The following IL17RC variants were observed in gnomAD, a reference collection of about 807,000 sequenced individuals.
IL17RC encodes the protein interleukin-17 receptor C.
In IL17RC, 53 loss-of-function variants were observed where a neutral mutation model predicts 86.7. The observed-to-expected ratio is 0.61, with a 90% CI of 0.49 to 0.77. IL17RC has a LOEUF of 0.77. IL17RC is among the 30% of genes least tolerant of loss of function. The pLI, the probability that IL17RC is intolerant of heterozygous loss-of-function variation, is 0.00. For synonymous variants in IL17RC, 439 were observed against 413.1 expected (o/e 1.06, Z -0.76); for missense variants, 957 against 940.0 (o/e 1.02, Z -0.24).
chr3:9,921,065 TCA>T, intron 7 of IL17RC, 96 bp downstream of exon 7: 3 of 690,184 alleles, frequency 4.3e-6, no homozygotes, highest in Non-Finnish European at 7.3e-6. Context: ...CTACCACATC[TCA>T]GAAGCTCACA....
chr3:9,932,802 G>A lies in IL17RC; in HGVS notation c.1484-18G>A, dbSNP rs770730747. The A allele has an allele frequency of 7.6e-6, 12 of 1,574,070 alleles. No homozygotes were observed. In the South Asian group the frequency reaches 1.1e-4, roughly 14 times the overall value. On this transcript the variant is annotated intron_variant, in intron 17 of 18. Coordinates refer to ENST00000403601, the MANE Select transcript of IL17RC (RefSeq NM_153460.4). The stretch of plus-strand genomic sequence containing the variant: ...GCGGCCGAGCTCACTGGCTGCCTCC[G>A]CCCCTCTCCCCTAACAGGGTGGCTG...
chr3:9,918,207 C>T, intron 3 of IL17RC, 128 bp from the exon 4 acceptor site: 1 of 1,310,846 alleles, frequency 7.6e-7, no homozygotes, highest in East Asian at 2.5e-5. Flanking sequence ...CAGAAGGACC[C>T]CCAGGCCAGT....
intron 16 of IL17RC, 21 bp from the exon 17 acceptor site, chr3:9,932,587 C>G: frequency 6.2e-7 from 1 of 1,608,698 alleles, no homozygotes. Flanking sequence ...GTTTCTAACT[C>G]TTCTTCTCTG....
chr3:9,929,296 AGAGT>A (rs1251826321), intron 12 of IL17RC: 1 of 155,488 alleles, frequency 6.4e-6, no homozygotes, highest in East Asian at 1.9e-4. Context: ...CCTGGGTGAC[AGAGT>A]GAGACTGGGC....
chr3:9,930,718 T>A lies in IL17RC; in HGVS notation c.1339-177T>A, dbSNP rs1324667505. 1 of 706,488 alleles carries A rather than the reference T, an allele frequency of 1.4e-6. No homozygotes were observed. Among genetic ancestry groups the A allele is most frequent in the Non-Finnish European group, 2.5e-6 (1 of 400,352 alleles). The allele number at this position is 706,488 out of a possible 1,614,324, so 43.8% of individuals were successfully genotyped here. On this transcript the variant is annotated intron_variant, in intron 15 of 18. Coordinates refer to ENST00000403601, the MANE Select transcript of IL17RC (RefSeq NM_153460.4). The surrounding 1 kb of genome is among the most constrained non-coding windows in gnomAD (Gnocchi z 5.8). ...TTCTTCCTATAAGCCAGATTTGGTA[T>A]GGAAGAAGTCATACCCTAGTCAGTG...
intron 7 of IL17RC, 142 bp from the exon 8 acceptor site, chr3:9,923,739 G>C: frequency 1.1e-6 from 1 of 905,904 alleles, no homozygotes; most frequent in Non-Finnish European, 1.7e-6. Context: ...TAGGAGCAAA[G>C]TCTGGTCTGA....
Position 9,919,920 on chromosome 3 carries a change from C to T in IL17RC, c.466-571C>T, listed in dbSNP as rs199557685. Among the ~76,000 whole-genome samples, 23 of 152,114 alleles carry T rather than the reference C, an allele frequency of 1.5e-4. No homozygotes were observed. In the South Asian group the frequency reaches 3.3e-3, roughly 22 times the overall value. On this transcript the variant is annotated intron_variant, in intron 5 of 18. Coordinates refer to ENST00000403601, the MANE Select transcript of IL17RC (RefSeq NM_153460.4). Reference sequence around the variant, plus strand: ...TACCATACATACCATGGTATACTTACCATGGTGTAAGTACCATGGTGCAGG... The same window carrying T: ...TACCATACATACCATGGTATACTTATCATGGTGTAAGTACCATGGTGCAGG...
chr3:9,920,718 C>G (rs2083469334), intron 6 of IL17RC, 116 bp downstream of exon 6: 1 of 813,630 alleles, frequency 1.2e-6, no homozygotes, highest in Non-Finnish European at 2.1e-6. Flanking sequence ...GAGCTGCTAT[C>G]CTCCCCAGAG....
chr3:9,919,480 T>TAAAAAAATACA (rs1553578611), intron 5 of IL17RC, among the ~76,000 whole-genome samples: 1 of 151,716 alleles, frequency 6.6e-6, no homozygotes, highest in Non-Finnish European at 1.5e-5. Flanking sequence ...CTGCCTCCAC[T>TAAAAAAATACA]AAAAAAATAC....
rs1412354017 is a variant in IL17RC, at chr3:9,920,505, T to C, written c.480T>C (p.Tyr160=). The change falls in exon 6 of 19, where the codon TAT becomes TAC. Residue 160 remains tyrosine (Y), a synonymous_variant. Transcript: ENST00000403601. Reference sequence around the variant, plus strand: ...TCTCCTCACAGGGCTCTGTGGTATATGACTGCTTCGAGGCTGCCCTAGGGA... The same window carrying C: ...TCTCCTCACAGGGCTCTGTGGTATACGACTGCTTCGAGGCTGCCCTAGGGA... ...QFGQSVGSVV[Y]DCFEAALGSE... The C allele has an allele frequency of 1.9e-6, 3 of 1,599,560 alleles. No individual in the cohort carries two copies. The highest frequency in any genetic ancestry group is 2.2e-5 in the South Asian group (2 of 88,946).
At chr3:9,918,783 G>C (rs1326472966) in intron 5 of IL17RC, among the ~76,000 whole-genome samples, 174 bp downstream of exon 5, 1 of 152,218 alleles carries the variant, frequency 6.6e-6, no homozygotes, top group African/African-American at 2.4e-5. Flanking sequence ...ACAGCCATGT[G>C]AGGTGGGACT....
chr3:9,930,949 T>C lies in IL17RC; in HGVS notation c.1387+6T>C, dbSNP rs768297364. 4.3e-6 allele frequency: 7 copies of C among 1,612,772 alleles called. No homozygotes were observed. In the Admixed American group the frequency reaches 1.0e-4, roughly 23 times the overall value. ...GGCCTGCCCCATGGACAAATGTGAG[T>C]ATTGTAAGAACTGCCTTTCCTTTCT... is the stretch of plus-strand genomic sequence containing the variant. On this transcript the variant is annotated splice_donor_region_variant and intron_variant, in intron 16 of 18. Transcript: ENST00000403601. This position sits in a 1 kb window ranked among gnomAD's most constrained non-coding sequence, Gnocchi z 5.8.
In IL17RC at chr3:9,928,403, G is replaced by A. The variant is rs1284797887; in HGVS notation, c.976G>A (p.Ala326Thr). 6 of 1,605,106 alleles carry A rather than the reference G, an allele frequency of 3.7e-6. No homozygotes were observed. Among genetic ancestry groups the A allele is most frequent in the Non-Finnish European group, 5.1e-6 (6 of 1,177,114 alleles). ...LDAPCSLPAE[A>T]ALCWRAPGGD... Reference sequence around the variant, plus strand: ...CGCACCGTGCTCGCTGCCCGCAGAAGCGGCACTGTGCTGGCGGGCTCCGGG... The same window carrying A: ...CGCACCGTGCTCGCTGCCCGCAGAAACGGCACTGTGCTGGCGGGCTCCGGG... The change falls in exon 11 of 19, where the codon GCG (alanine) becomes ACG (threonine). Residue 326 changes from alanine to threonine, a missense_variant. Ala to Thr is a moderately conservative substitution (Grantham distance 58). Transcript: ENST00000403601.
chr3:9,924,780 C>T (rs1038906269), intron 9 of IL17RC, among the ~76,000 whole-genome samples: 1 of 152,134 alleles, frequency 6.6e-6, no homozygotes, highest in Non-Finnish European at 1.5e-5. Flanking sequence ...CTTAAATATG[C>T]TGGCTCTTTC....
intron 12 of IL17RC, 77 bp from the exon 13 acceptor site, chr3:9,929,775 T>C: frequency 4.6e-6 from 7 of 1,534,080 alleles, no homozygotes; most frequent in Non-Finnish European, 6.3e-6. Context: ...GGCCTTCTGT[T>C]GCCTGCCCCA....
In IL17RC at chr3:9,933,472, C is replaced by T. The variant is rs371918201; in HGVS notation, c.2042C>T (p.Ala681Val). The T allele has an allele frequency of 9.3e-6, 15 of 1,612,454 alleles. No individual in the cohort carries two copies. The Admixed American group carries it at 2.3e-4, about 25-fold the overall frequency. Residue 681 changes from alanine (A) to valine (V), a missense_variant, in exon 19 of 19, where the codon GCG becomes GTG. By Grantham distance (64) the Ala-to-Val change is moderately conservative. Coordinates refer to ENST00000403601, the MANE Select transcript of IL17RC (RefSeq NM_153460.4). Reference protein sequence around the residue: ...APRSGRLQERAEQVSRALQPA... With the variant: ...APRSGRLQERVEQVSRALQPA... ...CGTTCCGGGCGGCTCCAAGAGAGAG[C>T]GGAGCAAGTGTCCCGGGCCCTTCAG...
Position 9,933,339 on chromosome 3 carries a change from C to G in IL17RC, c.1909C>G (p.Leu637Val). The G allele has an allele frequency of 6.2e-7, 1 of 1,610,234 alleles. No homozygotes were observed. Among genetic ancestry groups the G allele is most frequent in the South Asian group, 1.1e-5 (1 of 90,504 alleles). The change falls in exon 19 of 19, where the codon CTG becomes GTG. Residue 637 changes from leucine (L) to valine (V), a missense_variant. Transcript: ENST00000403601. Reference protein sequence around the residue: ...GSYVGACFDRLLHPDAVPALF... With the variant: ...GSYVGACFDRVLHPDAVPALF... ...CTACGTGGGGGCCTGCTTCGACAGGCTGCTCCACCCGGACGCCGTACCCGC... is the reference window on the plus strand; with the variant it reads ...CTACGTGGGGGCCTGCTTCGACAGGGTGCTCCACCCGGACGCCGTACCCGC...
intron 7 of IL17RC, 110 bp from the exon 8 acceptor site, chr3:9,923,771 C>T (rs2083797812): frequency 3.2e-6 from 4 of 1,235,638 alleles, no homozygotes; most frequent in Admixed American, 3.8e-5. Context: ...ACGCTCTGCC[C>T]TCCGAGAGCC....
Position 9,917,262 on chromosome 3 carries a change from T to C in IL17RC, c.-54T>C. The C allele has an allele frequency of 7.4e-7, 1 of 1,355,008 alleles. No homozygotes were observed. The allele number at this position is 1,355,008 out of a possible 1,614,324, so 83.9% of individuals were successfully genotyped here. Reference sequence around the variant, plus strand: ...GGGCTGACTGGGGTGTCTGCCCCCCTTGGGGGGGGGCAGCACAGGGCCTCA... The same window carrying C: ...GGGCTGACTGGGGTGTCTGCCCCCCCTGGGGGGGGGCAGCACAGGGCCTCA... On this transcript the variant is annotated 5_prime_UTR_variant, in exon 1 of 19. Transcript: ENST00000403601.
Sources: gnomAD v4.1 joint callset for allele counts (sites outside exome capture counted in the v4.1 genomes callset) on GRCh38, gnomAD v4.1.1 for gene constraint, Gnocchi (gnomAD v3.1) non-coding constraint, MANE v1.5 for transcripts, NCBI Gene and HGNC (gene_info 2026-07-23, HGNC 2026-07-21) for gene names.